The following B3GLCT variants were observed in gnomAD, a reference collection of about 807,000 sequenced individuals.
B3GLCT encodes beta 3-glucosyltransferase, also known as beta-1,3-glucosyltransferase.
B3GLCT carries 65 observed loss-of-function variants against 63.4 expected under a neutral mutation model. That is an observed-to-expected ratio of 1.03 (90% CI 0.84 to 1.26). B3GLCT has a LOEUF of 1.26. Among genes scored for constraint, B3GLCT ranks in the 50% most tolerant of loss-of-function variants. The pLI is 0.00. For synonymous variants in B3GLCT, 233 were observed against 219.2 expected, an observed-to-expected ratio of 1.06 and a Z score of -0.55; for missense variants, 577 against 604.8, an observed-to-expected ratio of 0.95 and a Z score of 0.48.
intron 4 of B3GLCT, among the ~76,000 whole-genome samples, chr13:31,241,798 A>G (rs1287591497): frequency 6.6e-6 from 1 of 152,138 alleles, no homozygotes. Context: ...GTCACTGGAT[A>G]TTAGGGAATG....
rs1003506524 is a variant in B3GLCT, at chr13:31,331,362, C to T, written c.*1694C>T. ...GTTCATTTGACATGATTGAAGCTGG[C>T]ATCCGTATATGAAGATCCTTGTCAA... On this transcript the variant is annotated 3_prime_UTR_variant, in exon 15 of 15. Coordinates refer to ENST00000343307, the MANE Select transcript of B3GLCT (RefSeq NM_194318.4). The T allele has an allele frequency of 6.6e-6, 1 of 152,142 alleles. No individual in the cohort carries two copies. 9.4% of individuals were successfully genotyped at this position (152,142 alleles called of 1,614,324 possible).
At chr13:31,236,845 G>C (rs1345994691) in intron 4 of B3GLCT, among the ~76,000 whole-genome samples, 1 of 152,106 alleles carries the variant, frequency 6.6e-6, no homozygotes, top group Non-Finnish European at 1.5e-5. Flanking sequence ...CCATGAATGG[G>C]GCCAAGTATG....
At chr13:31,256,795 A>T (rs1240026926) in intron 6 of B3GLCT, among the ~76,000 whole-genome samples, 1 of 152,160 alleles carries the variant, frequency 6.6e-6, no homozygotes, top group East Asian at 1.9e-4. Context: ...TTAGGGAGGG[A>T]TAGCATTAGG....
chr13:31,279,748 A>G (rs1872970466), intron 10 of B3GLCT, among the ~76,000 whole-genome samples: 1 of 152,166 alleles, frequency 6.6e-6, no homozygotes, highest in African/African-American at 2.4e-5. Context: ...ATTACGCAGG[A>G]ATTTCCTCAT....
Position 31,261,023 on chromosome 13 carries a change from A to C in B3GLCT, c.537A>C (p.Thr179=), listed in dbSNP as rs756907968. The change falls in exon 7 of 15, where the codon ACA becomes ACC. Residue 179 remains threonine (T), a synonymous_variant. Transcript: ENST00000343307. ...ATTATGCCTTTTCCGAGAATCCTAC[A>C]GTTTTTAAGTATCCAGACTTTGCTG... ...IHHYAFSENP[T]VFKYPDFAAG... is the part of the protein sequence containing the mutation. The C allele has an allele frequency of 1.4e-4, 220 of 1,613,492 alleles. No homozygotes were observed. The highest frequency in any genetic ancestry group is 4.7e-4 in the Admixed American group (28 of 59,924).
intron 6 of B3GLCT, among the ~76,000 whole-genome samples, chr13:31,255,070 T>G (rs1871664742): frequency 6.7e-6 from 1 of 148,240 alleles, no homozygotes; most frequent in Non-Finnish European, 1.5e-5. Flanking sequence ...CCCCATCATC[T>G]CAAAAGCTCC....
chr13:31,239,726 C>T (rs1566057051), intron 4 of B3GLCT, among the ~76,000 whole-genome samples: 1 of 151,142 alleles, frequency 6.6e-6, no homozygotes, highest in South Asian at 2.1e-4. Flanking sequence ...GTCTAGCCAC[C>T]AAGCGGATCC....
intron 12 of B3GLCT, among the ~76,000 whole-genome samples, chr13:31,296,672 A>G (rs1443080165): frequency 6.7e-6 from 1 of 149,236 alleles, no homozygotes; most frequent in Non-Finnish European, 1.5e-5. Context: ...TTCAATAGAG[A>G]TGATGGAGAA....
intron 14 of B3GLCT, among the ~76,000 whole-genome samples, chr13:31,324,720 A>C (rs1270806057): frequency 2.6e-5 from 4 of 151,884 alleles, no homozygotes; most frequent in Non-Finnish European, 5.9e-5. Context: ...TGCCTTATTT[A>C]TTTATTTTTA....
At chr13:31,283,066 C>T (rs1873149764) in intron 10 of B3GLCT, 2 of 152,176 alleles carry the variant, frequency 1.3e-5, no homozygotes, top group Admixed American at 6.5e-5. Context: ...TTATTTAACT[C>T]AGTTAATTGA....
intron 6 of B3GLCT, among the ~76,000 whole-genome samples, chr13:31,257,180 A>G (rs921951305): frequency 1.3e-5 from 2 of 152,208 alleles, no homozygotes; most frequent in Admixed American, 1.3e-4. Context: ...TGTTTTCCAT[A>G]AAACTGTATT....
chr13:31,326,553 T>G (rs1408867659), intron 14 of B3GLCT, among the ~76,000 whole-genome samples: 1 of 152,086 alleles, frequency 6.6e-6, no homozygotes, highest in African/African-American at 2.4e-5. Context: ...AGTGCTGGGA[T>G]TACAGGCCTG....
chr13:31,206,584 C>G (rs1217137782), intron 1 of B3GLCT, among the ~76,000 whole-genome samples: 6 of 118,738 alleles, frequency 5.1e-5, no homozygotes, highest in East Asian at 2.4e-4. Context: ...ACTAAAAATG[C>G]AAAAAAAAAA....
At chr13:31,270,252 T>G (rs939968650) in intron 8 of B3GLCT, among the ~76,000 whole-genome samples, 2 of 152,224 alleles carry the variant, frequency 1.3e-5, no homozygotes, top group Non-Finnish European at 2.9e-5. Flanking sequence ...TGTTAGGACA[T>G]TAAGGTAAAT....
At chr13:31,265,457 C>G (rs1438493168) in intron 7 of B3GLCT, among the ~76,000 whole-genome samples, 1 of 152,292 alleles carries the variant, frequency 6.6e-6, no homozygotes, top group South Asian at 2.1e-4. Context: ...GGTAGCGTAA[C>G]AACTTACAGT....
At chr13:31,250,214 C>T (rs1351173887) in intron 6 of B3GLCT, among the ~76,000 whole-genome samples, 8 of 152,156 alleles carry the variant, frequency 5.3e-5, no homozygotes, top group African/African-American at 1.4e-4. Flanking sequence ...CGTTCTGTCA[C>T]CCAGGCCGGA....
intron 14 of B3GLCT, 36 bp from the exon 15 acceptor site, chr13:31,329,465 T>C: frequency 6.2e-7 from 1 of 1,612,872 alleles, no homozygotes; most frequent in Non-Finnish European, 8.5e-7. Context: ...TTATATTCAA[T>C]CAACAAGGAA....
intron 7 of B3GLCT, among the ~76,000 whole-genome samples, chr13:31,262,302 GATT>G (rs1248559569): frequency 6.6e-6 from 1 of 152,200 alleles, no homozygotes; most frequent in Non-Finnish European, 1.5e-5. Flanking sequence ...AGCCAGAGTG[GATT>G]ATTTTTGTTT....
chr13:31,321,049 T>C (rs1164467331), intron 13 of B3GLCT, among the ~76,000 whole-genome samples: 1 of 152,270 alleles, frequency 6.6e-6, no homozygotes, highest in African/African-American at 2.4e-5. Context: ...AATTATGCAT[T>C]ATTTGAAGGC....
Sources: allele counts gnomAD v4.1 joint callset (sites outside exome capture counted in the v4.1 genomes callset), GRCh38; gene constraint gnomAD v4.1.1; transcripts MANE v1.5; gene names NCBI Gene and HGNC (gene_info 2026-07-23, HGNC 2026-07-21).